CPQ: variants seen among roughly 807,000 people sequenced by gnomAD.
The protein encoded by CPQ is Ser-Met dipeptidase.
Under a neutral mutation model 45.7 loss-of-function variants are expected in CPQ, and 37 were observed. The ratio of observed to expected loss-of-function variants is 0.81; its 90% CI spans 0.62 to 1.07. The LOEUF is 1.07. Ranked by LOEUF, CPQ falls within the 50% of genes least tolerant of loss-of-function variation. CPQ has a pLI of 0.00. For missense variants in CPQ, 537 were observed against 572.9 expected, an observed-to-expected ratio of 0.94 and a Z score of 0.64; for synonymous variants, 186 against 205.8, an observed-to-expected ratio of 0.90 and a Z score of 0.82.
At chr8:96,681,442 G>A (rs958696793) in intron 1 of CPQ, among the ~76,000 whole-genome samples, 2 of 152,056 alleles carry the variant, frequency 1.3e-5, no homozygotes, top group African/African-American at 2.4e-5. Flanking sequence ...ACATAGTGTT[G>A]AGTCTGTAGG....
At chr8:96,679,062 C>T (rs548305433) in intron 1 of CPQ, among the ~76,000 whole-genome samples, 3 of 151,938 alleles carry the variant, frequency 2.0e-5, no homozygotes, top group South Asian at 2.1e-4. Flanking sequence ...GTATTTAATC[C>T]GTTTTGAGTT....
intron 4 of CPQ, among the ~76,000 whole-genome samples, chr8:96,929,723 T>C (rs1463505494): frequency 6.6e-6 from 1 of 152,212 alleles, no homozygotes; most frequent in African/African-American, 2.4e-5. Flanking sequence ...TTTTCAGGAA[T>C]GTGTACGTAA....
chr8:97,029,342 A>AT lies in CPQ; in HGVS notation c.962-54dup, dbSNP rs367668124. The stretch of plus-strand genomic sequence containing the variant: ...CACAAGGCAGATGAGGGACCCTGCC[A>AT]TTTTTTTATAAAATTCAAAATCAAC... On this transcript the variant is annotated intron_variant, in intron 5 of 7. Transcript: ENST00000220763. 2.8e-4 allele frequency: 426 copies of AT among 1,507,084 alleles called. 1 individual carries two copies. In the African/African-American group the frequency reaches 5.3e-3, roughly 19 times the overall value. The allele number at this position is 1,507,084 out of a possible 1,614,324, so 93.4% of individuals were successfully genotyped here.
intron 2 of CPQ, among the ~76,000 whole-genome samples, chr8:96,825,901 G>T (rs918529143): frequency 9.2e-5 from 14 of 151,984 alleles, no homozygotes; most frequent in African/African-American, 3.1e-4. Flanking sequence ...ATAACATTTT[G>T]TACTTGCTAC....
intron 2 of CPQ, among the ~76,000 whole-genome samples, chr8:96,796,137 T>G (rs1392068793): frequency 2.0e-5 from 3 of 152,042 alleles, no homozygotes; most frequent in African/African-American, 7.2e-5. Flanking sequence ...TAGCAGTGTA[T>G]CTTCAAAACC....
intron 7 of CPQ, among the ~76,000 whole-genome samples, chr8:97,101,836 G>A (rs1811311340): frequency 6.6e-6 from 1 of 151,600 alleles, no homozygotes; most frequent in Admixed American, 6.6e-5. Flanking sequence ...TTAAATGACA[G>A]TAATATCTCA....
intron 2 of CPQ, among the ~76,000 whole-genome samples, chr8:96,807,898 C>A (rs945297839): frequency 1.3e-5 from 2 of 152,170 alleles, no homozygotes; most frequent in Non-Finnish European, 1.5e-5. Flanking sequence ...TTTCCCACTT[C>A]AGTTTGTCAA....
chr8:96,783,282 T>TGTGTGTGCGCGTGC (rs1282570815), intron 1 of CPQ, among the ~76,000 whole-genome samples: 3 of 152,068 alleles, frequency 2.0e-5, no homozygotes, highest in African/African-American at 7.2e-5. Flanking sequence ...TGTGTGTGTG[T>TGTGTGTGCGCGTGC]GTGCTGCTTT....
chr8:97,050,997 T>G (rs1444610253), intron 6 of CPQ, among the ~76,000 whole-genome samples: 2 of 152,180 alleles, frequency 1.3e-5, no homozygotes, highest in Non-Finnish European at 2.9e-5. Flanking sequence ...TTGATGAGGA[T>G]ATGAAGCTCA....
intron 1 of CPQ, among the ~76,000 whole-genome samples, chr8:96,754,957 CT>C (rs1810311962): frequency 6.6e-6 from 1 of 151,910 alleles, no homozygotes; most frequent in Non-Finnish European, 1.5e-5. Flanking sequence ...TTTTAATCTA[CT>C]TATCTCTTCC....
chr8:97,011,544 G>A (rs937415429), intron 5 of CPQ, among the ~76,000 whole-genome samples: 1 of 152,204 alleles, frequency 6.6e-6, no homozygotes, highest in Non-Finnish European at 1.5e-5. Flanking sequence ...AAGGGCAACA[G>A]TATAAAGCAG....
intron 4 of CPQ, among the ~76,000 whole-genome samples, chr8:96,913,645 T>C (rs899600303): frequency 6.6e-6 from 1 of 152,234 alleles, no homozygotes; most frequent in Non-Finnish European, 1.5e-5. Flanking sequence ...GAGTAAATTC[T>C]TTGTGTTTCC....
At chr8:97,137,011 A>G (rs1812072478) in intron 7 of CPQ, among the ~76,000 whole-genome samples, 1 of 152,210 alleles carries the variant, frequency 6.6e-6, no homozygotes, top group African/African-American at 2.4e-5. Flanking sequence ...CTACAGAGAC[A>G]AAGTTGCAAG....
chr8:96,669,725 A>G (rs1255888692), intron 1 of CPQ, among the ~76,000 whole-genome samples: 1 of 152,226 alleles, frequency 6.6e-6, no homozygotes, highest in Non-Finnish European at 1.5e-5. Context: ...GAAAAACATG[A>G]TCAACTCTAT....
chr8:96,669,995 A>G (rs1808979709), intron 1 of CPQ, among the ~76,000 whole-genome samples: 1 of 152,218 alleles, frequency 6.6e-6, no homozygotes, highest in Non-Finnish European at 1.5e-5. Flanking sequence ...CTTACTGAGT[A>G]TATATTATCG....
chr8:96,685,861 C>A (rs1348987779), intron 1 of CPQ, among the ~76,000 whole-genome samples: 2 of 152,050 alleles, frequency 1.3e-5, no homozygotes, highest in Admixed American at 6.5e-5. Flanking sequence ...CCATCAATAT[C>A]CCTCACTTTT....
chr8:97,134,631 G>T (rs1273092857), intron 7 of CPQ, among the ~76,000 whole-genome samples: 2 of 152,210 alleles, frequency 1.3e-5, no homozygotes, highest in Non-Finnish European at 2.9e-5. Flanking sequence ...AGCTGCAAAT[G>T]AAGCAAGTCA....
intron 4 of CPQ, among the ~76,000 whole-genome samples, chr8:96,899,054 A>G (rs1812481487): frequency 6.6e-6 from 1 of 152,172 alleles, no homozygotes; most frequent in African/African-American, 2.4e-5. Context: ...TGAGATGTCC[A>G]GGAGGCATCT....
intron 2 of CPQ, among the ~76,000 whole-genome samples, chr8:96,809,960 G>A (rs538898136): frequency 8.6e-5 from 13 of 151,988 alleles, no homozygotes; most frequent in Non-Finnish European, 1.5e-4. Context: ...TTGCTAAGTC[G>A]TCCCCCATAC....
Sources: allele counts gnomAD v4.1 joint callset (sites outside exome capture counted in the v4.1 genomes callset), GRCh38; gene constraint gnomAD v4.1.1; transcripts MANE v1.5; gene names NCBI Gene and HGNC (gene_info 2026-07-23, HGNC 2026-07-21).